The following GPC5 variants were observed in gnomAD, a reference collection of about 807,000 sequenced individuals.
GPC5 encodes glypican-5.
Under a neutral mutation model 53.9 loss-of-function variants are expected in GPC5, and 47 were observed. The observed-to-expected ratio is 0.87, with a 90% confidence interval of 0.69 to 1.11. The LOEUF is 1.11. Among genes scored for constraint, GPC5 ranks in the 50% most tolerant of loss-of-function variants. The pLI is 0.00. For missense variants in GPC5, 748 were observed against 713.1 expected (o/e 1.05, Z -0.56); for synonymous variants, 286 against 263.3 (o/e 1.09, Z -0.84).
chr13:92,749,756 A>G (rs1447761007), intron 7 of GPC5, among the ~76,000 whole-genome samples: 1 of 152,216 alleles, frequency 6.6e-6, no homozygotes, highest in Non-Finnish European at 1.5e-5. Flanking sequence ...AGTTATGCTG[A>G]AAGACATCTA....
intron 5 of GPC5, among the ~76,000 whole-genome samples, chr13:91,902,397 A>C (rs2039506385): frequency 6.6e-6 from 1 of 152,060 alleles, no homozygotes. Flanking sequence ...GTAGAATGTA[A>C]ATATATCAGG....
At chr13:92,527,105 GAAA>G (rs58962175) in intron 7 of GPC5, among the ~76,000 whole-genome samples, 11,474 of 47,026 alleles carry the variant, frequency 0.24, 2,098 homozygotes, top group East Asian at 0.39. Context: ...GGAAAAGAAA[GAAA>G]AAAGAAAGAA....
At chr13:91,626,733 A>G in intron 2 of GPC5, among the ~76,000 whole-genome samples, 1 of 152,034 alleles carries the variant, frequency 6.6e-6, no homozygotes, top group East Asian at 1.9e-4. Flanking sequence ...GGTTTGTTAC[A>G]TATGTAAACA....
intron 6 of GPC5, among the ~76,000 whole-genome samples, chr13:92,031,735 ATTAT>A (rs2040845923): frequency 1.5e-5 from 1 of 66,602 alleles, no homozygotes; most frequent in African/African-American, 6.4e-5. Context: ...TATATTACAT[ATTAT>A]ATATAATATA....
intron 7 of GPC5, among the ~76,000 whole-genome samples, chr13:92,647,216 G>T (rs1355631818): frequency 6.6e-6 from 1 of 152,034 alleles, no homozygotes; most frequent in Non-Finnish European, 1.5e-5. Flanking sequence ...ATATTCCTCA[G>T]TCTTTCACAA....
At chr13:91,603,702 T>C (rs900371325) in intron 2 of GPC5, among the ~76,000 whole-genome samples, 3 of 151,998 alleles carry the variant, frequency 2.0e-5, no homozygotes, top group Admixed American at 2.0e-4. Context: ...TCATTTACTC[T>C]TTTTTTTCAG....
At chr13:91,849,793 A>G (rs1397759133) in intron 5 of GPC5, among the ~76,000 whole-genome samples, 8 of 152,218 alleles carry the variant, frequency 5.3e-5, no homozygotes, top group South Asian at 2.1e-4. Context: ...TGATGCATGT[A>G]TCAGAAAAGA....
chr13:92,607,788 T>G (rs1475447615), intron 7 of GPC5, among the ~76,000 whole-genome samples: 2 of 152,190 alleles, frequency 1.3e-5, no homozygotes, highest in Non-Finnish European at 2.9e-5. Context: ...ACACTTAAAA[T>G]GCACCCTTTT....
intron 7 of GPC5, among the ~76,000 whole-genome samples, chr13:92,437,362 A>G (rs1363321407): frequency 5.9e-5 from 9 of 152,124 alleles, no homozygotes; most frequent in Non-Finnish European, 8.8e-5. Context: ...GACTTGTTAA[A>G]TGTAGTTTAA....
At chr13:91,618,943 C>T (rs1307669054) in intron 2 of GPC5, among the ~76,000 whole-genome samples, 1 of 152,020 alleles carries the variant, frequency 6.6e-6, no homozygotes, top group African/African-American at 2.4e-5. Context: ...ACTATTTTTA[C>T]TACTTATACA....
intron 6 of GPC5, among the ~76,000 whole-genome samples, chr13:92,004,968 C>T (rs1311873628): frequency 6.6e-6 from 1 of 152,140 alleles, no homozygotes; most frequent in African/African-American, 2.4e-5. Context: ...ATTCTGGCCA[C>T]ACTGGCAGCT....
At chr13:92,023,707 C>A (rs1000892972) in intron 6 of GPC5, among the ~76,000 whole-genome samples, 9 of 138,042 alleles carry the variant, frequency 6.5e-5, no homozygotes, top group African/African-American at 2.4e-4. Flanking sequence ...CTCTCTCTCT[C>A]TTATAAATTT....
intron 7 of GPC5, among the ~76,000 whole-genome samples, chr13:92,677,564 G>A (rs1245936404): frequency 6.6e-6 from 1 of 152,180 alleles, no homozygotes; most frequent in African/African-American, 2.4e-5. Context: ...GAGCTTCATT[G>A]GCAGGTGAAT....
chr13:92,753,700 C>G (rs1018830809), intron 7 of GPC5, among the ~76,000 whole-genome samples: 5 of 151,478 alleles, frequency 3.3e-5, no homozygotes, highest in Admixed American at 3.3e-4. Context: ...CCTCAGGAGC[C>G]GATGCGATCA....
At chr13:92,395,404 G>A (rs1465223564) in intron 7 of GPC5, among the ~76,000 whole-genome samples, 1 of 151,938 alleles carries the variant, frequency 6.6e-6, no homozygotes, top group Non-Finnish European at 1.5e-5. Flanking sequence ...CCCCCGTTTT[G>A]TCCCTTATAG....
intron 2 of GPC5, among the ~76,000 whole-genome samples, chr13:91,624,612 T>A (rs2033951089): frequency 6.6e-6 from 1 of 152,010 alleles, no homozygotes; most frequent in Admixed American, 6.6e-5. Flanking sequence ...TCTATAAAAA[T>A]TAATCAACCA....
At chr13:92,335,073 G>A (rs1238238896) in intron 7 of GPC5, among the ~76,000 whole-genome samples, 1 of 151,880 alleles carries the variant, frequency 6.6e-6, no homozygotes, top group Non-Finnish European at 1.5e-5. Flanking sequence ...TCTGTGGGTT[G>A]GGGGGGACTC....
chr13:92,701,078 G>C (rs758931766), intron 7 of GPC5, among the ~76,000 whole-genome samples: 8 of 151,980 alleles, frequency 5.3e-5, no homozygotes, highest in Non-Finnish European at 1.0e-4. Context: ...AATTTGACTT[G>C]TTTTATGCAA....
intron 6 of GPC5, among the ~76,000 whole-genome samples, chr13:92,037,924 C>A (rs2040906704): frequency 6.6e-6 from 1 of 152,170 alleles, no homozygotes; most frequent in South Asian, 2.1e-4. Flanking sequence ...AATCATAGGA[C>A]CTTCCTTATA....
Sources: gnomAD v4.1 joint callset for allele counts (sites outside exome capture counted in the v4.1 genomes callset) on GRCh38, gnomAD v4.1.1 for gene constraint, MANE v1.5 for transcripts, NCBI Gene and HGNC (gene_info 2026-07-23, HGNC 2026-07-21) for gene names.